The following NRG3 variants were observed in gnomAD, a reference collection of about 807,000 sequenced individuals.
The protein encoded by NRG3 is neuregulin 3.
NRG3 carries 31 observed loss-of-function variants against 66.9 expected under a neutral mutation model. The observed-to-expected ratio is 0.46, with a 90% confidence interval of 0.35 to 0.63. The LOEUF is 0.63. Among genes scored for constraint, NRG3 ranks in the 20% least tolerant of loss-of-function variants. NRG3 has a pLI of 0.00. For missense variants in NRG3, 910 were observed against 878.9 expected (o/e 1.04, Z -0.45); for synonymous variants, 393 against 359.4 (o/e 1.09, Z -1.06).
chr10:81,903,263 C>T (rs1262348420), intron 1 of NRG3, among the ~76,000 whole-genome samples: 1 of 152,100 alleles, frequency 6.6e-6, no homozygotes. Flanking sequence ...ATTTTTACCA[C>T]CTGACCCGCG....
intron 2 of NRG3, among the ~76,000 whole-genome samples, chr10:82,662,915 A>C (rs1212235070): frequency 6.6e-6 from 1 of 152,192 alleles, no homozygotes; most frequent in Non-Finnish European, 1.5e-5. Flanking sequence ...GACAGCTACT[A>C]GAGCCCCAGC....
chr10:82,137,518 A>C (rs2069459372), intron 1 of NRG3, among the ~76,000 whole-genome samples: 1 of 152,222 alleles, frequency 6.6e-6, no homozygotes, highest in African/African-American at 2.4e-5. Context: ...GTAAAGTTCC[A>C]CAGCTTGAGG....
chr10:81,934,326 C>T (rs1425881786), intron 1 of NRG3, among the ~76,000 whole-genome samples: 1 of 152,166 alleles, frequency 6.6e-6, no homozygotes, highest in Non-Finnish European at 1.5e-5. Flanking sequence ...TGAATAGTTG[C>T]AGCATTGTTC....
chr10:82,477,603 C>T (rs981303391), intron 2 of NRG3, among the ~76,000 whole-genome samples: 2 of 152,120 alleles, frequency 1.3e-5, no homozygotes, highest in Non-Finnish European at 2.9e-5. Context: ...AAGGGCTGAC[C>T]TTCAGATGGT....
chr10:82,572,897 C>T (rs2045824502), intron 2 of NRG3, among the ~76,000 whole-genome samples: 1 of 151,676 alleles, frequency 6.6e-6, no homozygotes, highest in Non-Finnish European at 1.5e-5. Context: ...CTTTTAATTG[C>T]ACATGTAAGA....
At chr10:82,634,053 A>G (rs1273546841) in intron 2 of NRG3, among the ~76,000 whole-genome samples, 2 of 152,208 alleles carry the variant, frequency 1.3e-5, no homozygotes, top group African/African-American at 4.8e-5. Context: ...TGGTTCATAA[A>G]GGACAACGGG....
chr10:81,911,092 T>G (rs1286863926), intron 1 of NRG3, among the ~76,000 whole-genome samples: 1 of 152,226 alleles, frequency 6.6e-6, no homozygotes, highest in Non-Finnish European at 1.5e-5. Flanking sequence ...TGGTTGCCAA[T>G]GTTATGATAG....
At chr10:82,481,812 G>A (rs1395303203) in intron 2 of NRG3, among the ~76,000 whole-genome samples, 4 of 151,924 alleles carry the variant, frequency 2.6e-5, no homozygotes, top group African/African-American at 9.7e-5. Context: ...TGGTAAAAAC[G>A]CATCTCTACT....
intron 4 of NRG3, among the ~76,000 whole-genome samples, chr10:82,882,254 T>C (rs981331759): frequency 6.6e-6 from 1 of 152,214 alleles, no homozygotes; most frequent in Non-Finnish European, 1.5e-5. Flanking sequence ...TTTATGTCTG[T>C]CTTACCCCAA....
chr10:82,176,137 A>G (rs1022946523), intron 1 of NRG3, among the ~76,000 whole-genome samples: 2 of 152,216 alleles, frequency 1.3e-5, no homozygotes, highest in South Asian at 2.1e-4. Context: ...ATACATTAAT[A>G]TGAATCTTCA....
chr10:82,532,908 T>A (rs2132663700), intron 2 of NRG3, among the ~76,000 whole-genome samples: 2 of 151,616 alleles, frequency 1.3e-5, no homozygotes, highest in East Asian at 3.9e-4. Context: ...AGGGTTCCAA[T>A]TTCCAATTTT....
chr10:82,487,313 G>T (rs565804345), intron 2 of NRG3, among the ~76,000 whole-genome samples: 1 of 152,010 alleles, frequency 6.6e-6, no homozygotes, highest in Admixed American at 6.6e-5. Flanking sequence ...CCTTAGAAAG[G>T]GGATTGTGGA....
intron 1 of NRG3, among the ~76,000 whole-genome samples, chr10:82,192,164 T>G (rs542583524): frequency 6.6e-6 from 1 of 152,242 alleles, no homozygotes; most frequent in South Asian, 2.1e-4. Context: ...TGTCAGTAAC[T>G]CAGTGCAACC....
chr10:82,298,144 A>G lies in NRG3; in HGVS notation c.824-60595A>G, dbSNP rs144385175. ...GGGCAACAGAGTGGAGATTCTGTCA[A>G]AAAAAGAAAGAAAGAAAGAGAGAGG... On this transcript the variant is annotated intron_variant, in intron 1 of 8. Transcript: ENST00000372141. Among the ~76,000 whole-genome samples the G allele has an allele frequency of 4.7e-3, 709 of 151,836 alleles. 6 individuals are homozygous for G. The highest frequency in any genetic ancestry group is 0.016 in the African/African-American group (679 of 41,372).
chr10:82,468,831 A>G (rs964015530), intron 2 of NRG3, among the ~76,000 whole-genome samples: 8 of 151,938 alleles, frequency 5.3e-5, no homozygotes, highest in Non-Finnish European at 1.0e-4. Flanking sequence ...ATGGGGAGTG[A>G]TATTGAGAGG....
At chr10:81,918,363 C>T (rs1383549160) in intron 1 of NRG3, among the ~76,000 whole-genome samples, 2 of 152,098 alleles carry the variant, frequency 1.3e-5, no homozygotes, top group Admixed American at 6.6e-5. Flanking sequence ...ATGATATTGG[C>T]CATTTGGGAT....
intron 1 of NRG3, among the ~76,000 whole-genome samples, chr10:82,217,620 G>GA (rs2075750830): frequency 6.6e-6 from 1 of 152,152 alleles, no homozygotes; most frequent in Non-Finnish European, 1.5e-5. Flanking sequence ...GATAATTCAA[G>GA]AAAATCATGT....
intron 1 of NRG3, among the ~76,000 whole-genome samples, chr10:82,302,569 A>G (rs1251119063): frequency 2.0e-5 from 3 of 152,140 alleles, no homozygotes; most frequent in Non-Finnish European, 4.4e-5. Context: ...AAAAAGTTCA[A>G]TTTCCTAATA....
At chr10:82,338,542 CAATACAGTA>C (rs2082511999) in intron 1 of NRG3, among the ~76,000 whole-genome samples, 1 of 152,144 alleles carries the variant, frequency 6.6e-6, no homozygotes, top group Admixed American at 6.5e-5. Flanking sequence ...CCCCAGGAAT[CAATACAGTA>C]CTCAGCAGTC....
Sources: allele counts gnomAD v4.1 joint callset (sites outside exome capture counted in the v4.1 genomes callset), GRCh38; gene constraint gnomAD v4.1.1; transcripts MANE v1.5; gene names NCBI Gene and HGNC (gene_info 2026-07-23, HGNC 2026-07-21).